PRR16: variants seen among roughly 807,000 people sequenced by gnomAD.
PRR16 encodes protein Largen.
In PRR16, 6 loss-of-function variants were observed where a neutral mutation model predicts 18.2. The ratio of observed to expected loss-of-function variants is 0.33; its 90% CI spans 0.18 to 0.65. PRR16 has a LOEUF of 0.65. PRR16 is among the 30% of genes least tolerant of loss of function. PRR16 has a pLI of 0.74. For missense variants in PRR16, 412 were observed against 376.6 expected (o/e 1.09, Z -0.78); for synonymous variants, 151 against 147.8 (o/e 1.02, Z -0.16).
At chr5:120,710,426 T>TG in the PRR16 span, among the ~76,000 whole-genome samples, 1 of 152,184 alleles carries the variant, frequency 6.6e-6, no homozygotes, top group Non-Finnish European at 1.5e-5. Context: ...ATAGTCATTA[T>TG]GGGGGCATGT....
chr5:120,700,761 G>T, the PRR16 span, among the ~76,000 whole-genome samples: 5 of 152,268 alleles, frequency 3.3e-5, no homozygotes, highest in African/African-American at 1.2e-4. Flanking sequence ...GATTAAGAAG[G>T]GGACGGGCTT....
intron 1 of PRR16, among the ~76,000 whole-genome samples, chr5:120,569,991 A>G (rs1300725998): frequency 1.3e-5 from 2 of 152,140 alleles, no homozygotes; most frequent in Non-Finnish European, 2.9e-5. Flanking sequence ...GATTTGGCTT[A>G]TTTGGACCAT....
intron 1 of PRR16, among the ~76,000 whole-genome samples, chr5:120,650,885 T>G (rs558911106): frequency 6.6e-6 from 1 of 152,216 alleles, no homozygotes; most frequent in South Asian, 2.1e-4. Flanking sequence ...TAGTTCTAGA[T>G]CCCTGAGGAA....
At chr5:120,707,918 G>A in the PRR16 span, among the ~76,000 whole-genome samples, 1 of 152,172 alleles carries the variant, frequency 6.6e-6, no homozygotes, top group African/African-American at 2.4e-5. Context: ...GATCCAGGTG[G>A]TGGGCTATAA....
At chr5:120,699,070 C>T in the PRR16 span, among the ~76,000 whole-genome samples, 1 of 151,988 alleles carries the variant, frequency 6.6e-6, no homozygotes, top group Non-Finnish European at 1.5e-5. Flanking sequence ...ATTTTAGTTC[C>T]CTGACTCGGG....
chr5:120,603,859 G>T (rs1176593985), intron 1 of PRR16, among the ~76,000 whole-genome samples: 1 of 151,838 alleles, frequency 6.6e-6, no homozygotes, highest in Non-Finnish European at 1.5e-5. Context: ...TAATTATATT[G>T]TTTTGAGAGA....
intron 1 of PRR16, among the ~76,000 whole-genome samples, chr5:120,667,889 T>C (rs1229410693): frequency 6.6e-6 from 1 of 152,194 alleles, no homozygotes; most frequent in Non-Finnish European, 1.5e-5. Context: ...GTGTCAGTTT[T>C]GGAATAGGTG....
the PRR16 span, among the ~76,000 whole-genome samples, chr5:120,709,737 G>T: frequency 2.6e-5 from 4 of 152,068 alleles, no homozygotes; most frequent in Admixed American, 2.0e-4. Context: ...ACATAGGATA[G>T]TTGTCTTTCT....
the PRR16 span, among the ~76,000 whole-genome samples, chr5:120,754,502 T>TAATAG: frequency 1.3e-5 from 1 of 75,678 alleles, no homozygotes; most frequent in African/African-American, 5.6e-5. Context: ...ATGTATTTTA[T>TAATAG]TATGTATATT....
chr5:120,755,976 T>C, the PRR16 span, among the ~76,000 whole-genome samples: 1 of 152,134 alleles, frequency 6.6e-6, no homozygotes, highest in Non-Finnish European at 1.5e-5. Context: ...TGGTTTCCCA[T>C]TGGTTACTTA....
At chr5:120,715,990 C>T in the PRR16 span, among the ~76,000 whole-genome samples, 9 of 152,018 alleles carry the variant, frequency 5.9e-5, no homozygotes, top group East Asian at 3.9e-4. Context: ...TTAGCAGTGG[C>T]GAGGATTAGT....
the PRR16 span, among the ~76,000 whole-genome samples, chr5:120,778,594 G>A: frequency 1.3e-5 from 2 of 152,114 alleles, no homozygotes; most frequent in African/African-American, 4.8e-5. Context: ...CTTAATAACA[G>A]AGGAAAATCC....
chr5:120,464,743 C>G lies in PRR16; in HGVS notation c.159+98C>G, dbSNP rs1749019977. 3 of 1,326,122 alleles carry G rather than the reference C, an allele frequency of 2.3e-6. No homozygotes were observed. The African/African-American group carries it at 4.4e-5, about 20-fold the overall frequency. The allele number at this position is 1,326,122 out of a possible 1,614,324, so 82.1% of individuals were successfully genotyped here. On this transcript the variant is annotated intron_variant, in intron 1 of 1. Coordinates refer to ENST00000407149, the MANE Select transcript of PRR16 (RefSeq NM_001300783.2). ...CAGGGACAGCCAGATTTCCAAACTC[C>G]TGGGAAACTACAGAAAAGGCGCCTG...
chr5:120,516,395 G>A (rs1750992467), intron 1 of PRR16, among the ~76,000 whole-genome samples: 1 of 137,506 alleles, frequency 7.3e-6, no homozygotes, highest in Admixed American at 8.1e-5. Flanking sequence ...CTGCATTCCA[G>A]CCTGGGTGAC....
At chr5:120,736,982 T>TTG in the PRR16 span, among the ~76,000 whole-genome samples, 1 of 152,110 alleles carries the variant, frequency 6.6e-6, no homozygotes, top group African/African-American at 2.4e-5. Context: ...AACAATGTAT[T>TTG]TGTGTGTGTG....
chr5:120,754,679 A>G, the PRR16 span, among the ~76,000 whole-genome samples: 1 of 138,790 alleles, frequency 7.2e-6, no homozygotes, highest in Non-Finnish European at 1.5e-5. Context: ...TATTTTTAGA[A>G]ATATTGTTTT....
intron 1 of PRR16, among the ~76,000 whole-genome samples, chr5:120,509,892 A>G (rs967420277): frequency 3.3e-5 from 5 of 152,058 alleles, no homozygotes; most frequent in African/African-American, 1.2e-4. Context: ...AAGGTCTTCA[A>G]GTTTTTTTTC....
chr5:120,787,628 G>A, the PRR16 span, among the ~76,000 whole-genome samples: 1 of 152,008 alleles, frequency 6.6e-6, no homozygotes, highest in Non-Finnish European at 1.5e-5. Flanking sequence ...TGAATAAAAC[G>A]ATCTCTTAAT....
At chr5:120,727,500 G>C in the PRR16 span, among the ~76,000 whole-genome samples, 7 of 152,062 alleles carry the variant, frequency 4.6e-5, no homozygotes, top group Admixed American at 2.6e-4. Flanking sequence ...TCTTTTCTTT[G>C]CAACCTTTCA....
Sources: allele counts gnomAD v4.1 joint callset (sites outside exome capture counted in the v4.1 genomes callset), GRCh38; gene constraint gnomAD v4.1.1; transcripts MANE v1.5; gene names NCBI Gene and HGNC (gene_info 2026-07-23, HGNC 2026-07-21).